PCDHGA7: variants seen among roughly 807,000 people sequenced by gnomAD.
The protein encoded by PCDHGA7 is protocadherin gamma subfamily A, 7.
PCDHGA7 carries 44 observed loss-of-function variants against 58.3 expected under a neutral mutation model. The observed-to-expected ratio is 0.75, with a 90% CI of 0.59 to 0.97. PCDHGA7 has a LOEUF of 0.97. PCDHGA7 is among the 50% of genes least tolerant of loss of function. PCDHGA7 has a pLI of 0.00. For missense variants in PCDHGA7, 1,266 were observed against 1,188.7 expected, an observed-to-expected ratio of 1.06 and a Z score of -0.96; for synonymous variants, 516 against 504.2, an observed-to-expected ratio of 1.02 and a Z score of -0.31.
intron 1 of PCDHGA7, chr5:141,392,008 T>C (rs144906227): frequency 1.3e-5 from 2 of 152,186 alleles, no homozygotes; most frequent in Non-Finnish European, 2.9e-5. Flanking sequence ...ACTGCAATGG[T>C]AAAAGCATTT....
Position 141,431,711 on chromosome 5 carries a change from G to T in PCDHGA7, c.2424+46388G>T. On this transcript the variant is annotated intron_variant, in intron 1 of 3. Coordinates refer to ENST00000518325, the MANE Select transcript of PCDHGA7 (RefSeq NM_018920.4). This position sits in a 1 kb window ranked among gnomAD's most constrained non-coding sequence, Gnocchi z 4.8. ...CGAGGAGTCAGGATTCTACCAGATG[G>T]AAGTGCAAGCAATGGATAATGCAGG... 1 of 1,614,230 alleles carries T rather than the reference G, an allele frequency of 6.2e-7. No homozygotes were observed. The highest frequency in any genetic ancestry group is 1.1e-5 in the South Asian group (1 of 91,092).
At chr5:141,394,303 AG>A in intron 1 of PCDHGA7, 2 of 1,613,924 alleles carry the variant, frequency 1.2e-6, no homozygotes, top group East Asian at 2.2e-5. Context: ...GACACGCTGC[AG>A]GGGGCGCCCC....
chr5:141,406,079 T>C (rs570702423), intron 1 of PCDHGA7, among the ~76,000 whole-genome samples: 2 of 151,808 alleles, frequency 1.3e-5, no homozygotes, highest in South Asian at 2.1e-4. Context: ...CTCCTTTTTT[T>C]TTTTTTTTAA....
intron 1 of PCDHGA7, chr5:141,419,333 A>T (rs1219255880): frequency 6.2e-7 from 1 of 1,613,804 alleles, no homozygotes; most frequent in South Asian, 1.1e-5. Context: ...CTACTCTCTC[A>T]TTGCCAGCGA....
rs532087470 is a variant in PCDHGA7, at chr5:141,414,020, C to T, written c.2424+28697C>T. 9 of 1,612,620 alleles carry T rather than the reference C, an allele frequency of 5.6e-6. No homozygotes were observed. The East Asian group carries it at 1.8e-4, about 32-fold the overall frequency. The stretch of plus-strand genomic sequence containing the variant: ...GACGAAGGTGCCAATGGAGAAGTGA[C>T]ATATTCATTCCGAAAATTACCTGAC... On this transcript the variant is annotated intron_variant, in intron 1 of 3. Transcript: ENST00000518325.
chr5:141,422,869 T>A, intron 1 of PCDHGA7: 2 of 1,614,202 alleles, frequency 1.2e-6, no homozygotes, highest in Non-Finnish European at 1.7e-6. Context: ...CAGCAACGTG[T>A]CGCTGAGCCT....
rs1406362621 is a variant in PCDHGA7, at chr5:141,477,099, G to A, written c.2425-17708G>A. On this transcript the variant is annotated intron_variant, in intron 1 of 3. Transcript: ENST00000518325. This position sits in a 1 kb window ranked among gnomAD's most constrained non-coding sequence, Gnocchi z 4.9. ...ATTTACATCCAGGCCAAAGACAAGG[G>A]CGCCAATCCCGAAGGAGCACATTGC... The A allele has an allele frequency of 6.2e-7, 1 of 1,614,256 alleles. No individual in the cohort carries two copies. Among genetic ancestry groups the A allele is most frequent in the Non-Finnish European group, 8.5e-7 (1 of 1,180,054 alleles).
chr5:141,470,652 C>T (rs923672818), intron 1 of PCDHGA7, among the ~76,000 whole-genome samples: 1 of 152,100 alleles, frequency 6.6e-6, no homozygotes, highest in African/African-American at 2.4e-5. Context: ...AAGGCCCCTA[C>T]CCTTTGGTTA....
intron 1 of PCDHGA7, among the ~76,000 whole-genome samples, chr5:141,479,914 G>T (rs2099509746): frequency 6.6e-6 from 1 of 152,148 alleles, no homozygotes; most frequent in South Asian, 2.1e-4. Context: ...CTGTTATTTT[G>T]TTACTCAGTG....
At chr5:141,394,050 G>GA (rs2092909261) in intron 1 of PCDHGA7, 4 of 1,613,594 alleles carry the variant, frequency 2.5e-6, no homozygotes, top group Non-Finnish European at 3.4e-6. Context: ...TTTGGACCGA[G>GA]AAAATGTCTC....
chr5:141,476,055 GT>G lies in PCDHGA7; in HGVS notation c.2425-18749del. 6.7e-7 allele frequency: 1 copy of G among 1,503,516 alleles called. No homozygotes were observed. Among genetic ancestry groups the G allele is most frequent in the South Asian group, 1.3e-5 (1 of 75,386 alleles). The allele number at this position is 1,503,516 out of a possible 1,614,324, so 93.1% of individuals were successfully genotyped here. ...GCGCCCAAGCGCTAACCCGCTGAAA[GT>G]TTCTCAGCGAAATCTCAGGGACGAT... On this transcript the variant is annotated intron_variant, in intron 1 of 3. Transcript: ENST00000518325. The surrounding 1 kb of genome is among the most constrained non-coding windows in gnomAD (Gnocchi z 7.6).
At chr5:141,470,015 G>C (rs999085849) in intron 1 of PCDHGA7, among the ~76,000 whole-genome samples, 1 of 152,130 alleles carries the variant, frequency 6.6e-6, no homozygotes, top group Non-Finnish European at 1.5e-5. Context: ...TGTAATCCCA[G>C]CTACTCGGGA....
chr5:141,477,519 A>C lies in PCDHGA7; in HGVS notation c.2425-17288A>C, dbSNP rs1255751458. 1 of 1,614,174 alleles carries C rather than the reference A, an allele frequency of 6.2e-7. No individual in the cohort carries two copies. The highest frequency in any genetic ancestry group is 2.2e-5 in the East Asian group (1 of 44,882). Reference sequence around the variant, plus strand: ...TCTTCCTACGACGTTTACATTGAAGAAAACAACCTCCCCGGGGCTCCAATA... The same window carrying C: ...TCTTCCTACGACGTTTACATTGAAGCAAACAACCTCCCCGGGGCTCCAATA... On this transcript the variant is annotated intron_variant, in intron 1 of 3. Transcript: ENST00000518325. The surrounding 1 kb of genome is among the most constrained non-coding windows in gnomAD (Gnocchi z 4.9).
chr5:141,510,893 G>C (rs1334514746), intron 3 of PCDHGA7, 54 bp from the exon 4 acceptor site: 1 of 1,612,722 alleles, frequency 6.2e-7, no homozygotes, highest in African/African-American at 1.3e-5. Context: ...ATAAGACAGT[G>C]ACTGTTGAGG....
In PCDHGA7 at chr5:141,432,358, G is replaced by A. The variant is rs750696244; in HGVS notation, c.2424+47035G>A. ...TCCGAGACTTGCAAGTGAAAGTGAT[G>A]GCGCGGGACAACGGGCACCCGCCCC... On this transcript the variant is annotated intron_variant, in intron 1 of 3. Transcript: ENST00000518325. This position sits in a 1 kb window ranked among gnomAD's most constrained non-coding sequence, Gnocchi z 6.0. The A allele has an allele frequency of 6.2e-7, 1 of 1,614,122 alleles. No homozygotes were observed. The highest frequency in any genetic ancestry group is 8.5e-7 in the Non-Finnish European group (1 of 1,180,060).
Position 141,510,990 on chromosome 5 carries a change from C to T in PCDHGA7, c.2616C>T (p.Thr872=). ...GSSTLGGGAG[T]MGLSARYGPQ... ...CCACCCTGGGAGGGGGTGCCGGCAC[C>T]ATGGGATTGAGCGCCCGCTACGGAC... The change falls in exon 4 of 4, where the codon ACC becomes ACT. Residue 872 remains threonine, a synonymous_variant. Transcript: ENST00000518325. The T allele has an allele frequency of 2.5e-6, 4 of 1,614,166 alleles. No homozygotes were observed. Among genetic ancestry groups the T allele is most frequent in the Non-Finnish European group, 3.4e-6 (4 of 1,180,014 alleles).
rs1424346887 is a variant in PCDHGA7, at chr5:141,489,602, T to C, written c.2425-5205T>C. ...CCCCTGGAGCTAATCCGTGTAGAGG[T>C]AGAGATCCTGGATCTCAATGACAAC... On this transcript the variant is annotated intron_variant, in intron 1 of 3. Coordinates refer to ENST00000518325, the MANE Select transcript of PCDHGA7 (RefSeq NM_018920.4). The surrounding 1 kb of genome is among the most constrained non-coding windows in gnomAD (Gnocchi z 4.5). The C allele has an allele frequency of 5.6e-6, 9 of 1,613,754 alleles. No homozygotes were observed. In the African/African-American group the frequency reaches 6.7e-5, roughly 12 times the overall value.
chr5:141,414,942 C>T, intron 1 of PCDHGA7: 3 of 1,614,126 alleles, frequency 1.9e-6, no homozygotes, highest in Non-Finnish European at 1.7e-6. Context: ...CAGAGCCCGG[C>T]TACCTGGTGA....
At chr5:141,433,818 C>A (rs1286718725) in intron 1 of PCDHGA7, among the ~76,000 whole-genome samples, 7 of 133,614 alleles carry the variant, frequency 5.2e-5, no homozygotes, top group African/African-American at 5.8e-5. Flanking sequence ...GCCTGGGCAA[C>A]AAGAGTGAAA....
Sources: gnomAD v4.1 joint callset for allele counts (sites outside exome capture counted in the v4.1 genomes callset) on GRCh38, gnomAD v4.1.1 for gene constraint, Gnocchi (gnomAD v3.1) non-coding constraint, MANE v1.5 for transcripts, NCBI Gene and HGNC (gene_info 2026-07-23, HGNC 2026-07-21) for gene names.